The following ESF1 variants were observed in gnomAD, a reference collection of about 807,000 sequenced individuals.
ESF1 encodes the protein ESF1 nucleolar pre-rRNA processing protein.
Under a neutral mutation model 92.0 loss-of-function variants are expected in ESF1, and 58 were observed. The observed-to-expected ratio is 0.63, with a 90% CI of 0.51 to 0.78. The LOEUF is 0.78. ESF1 is among the 30% of genes least tolerant of loss of function. ESF1 has a pLI of 0.00. For synonymous variants in ESF1, 321 were observed against 313.7 expected, an observed-to-expected ratio of 1.02 and a Z score of -0.24; for missense variants, 922 against 989.1, an observed-to-expected ratio of 0.93 and a Z score of 0.91.
At chr20:13,741,358 AC>A (rs33916323) in intron 9 of ESF1, among the ~76,000 whole-genome samples, 102,549 of 151,916 alleles carry the variant, frequency 0.68, 34,855 homozygotes, top group East Asian at 0.89. Flanking sequence ...TCTTCACAGA[AC>A]CCCCATACAA....
chr20:13,753,491 T>G (rs1978734478), intron 9 of ESF1, among the ~76,000 whole-genome samples: 1 of 151,062 alleles, frequency 6.6e-6, no homozygotes, highest in Non-Finnish European at 1.5e-5. Context: ...TGTAAGCAAA[T>G]TCTTCCAGAA....
rs374166687 is a variant in ESF1, at chr20:13,782,523, T to C, written c.618A>G (p.Thr206=). 38 of 1,522,054 alleles carry C rather than the reference T, an allele frequency of 2.5e-5. No homozygotes were observed. The highest frequency in any genetic ancestry group is 2.4e-5 in the East Asian group (1 of 42,012). 94.3% of individuals were successfully genotyped at this position (1,522,054 alleles called of 1,614,324 possible). Residue 206 remains threonine (T), a synonymous_variant, in exon 2 of 14, where the codon ACA becomes ACG. Coordinates refer to ENST00000617257, the MANE Select transcript of ESF1 (RefSeq NM_001276380.2). ...ACCTACCTGATTGCATTTCTCTTCT[T>C]GTCTTAGAACACTCGATTCTGGGAG... ...VKSPRIECSK[T]RREMQSVVQL...
intron 2 of ESF1, among the ~76,000 whole-genome samples, chr20:13,777,606 C>A (rs1980003611): frequency 6.6e-6 from 1 of 152,096 alleles, no homozygotes; most frequent in African/African-American, 2.4e-5. Context: ...ACTTTTTCTG[C>A]CAGGTCTTGA....
intron 4 of ESF1, among the ~76,000 whole-genome samples, chr20:13,773,923 G>T (rs375960557): frequency 6.6e-6 from 1 of 151,954 alleles, no homozygotes; most frequent in Admixed American, 6.6e-5. Context: ...GTGAAAACCC[G>T]TCTCTACTAA....
At chr20:13,729,748 T>C (rs1404553522) in intron 10 of ESF1, among the ~76,000 whole-genome samples, 1 of 152,318 alleles carries the variant, frequency 6.6e-6, no homozygotes, top group East Asian at 1.9e-4. Flanking sequence ...TATCTTGTTT[T>C]ATCTATAAGC....
chr20:13,750,685 AT>A (rs1215178478), intron 9 of ESF1, among the ~76,000 whole-genome samples: 1 of 152,204 alleles, frequency 6.6e-6, no homozygotes, highest in Admixed American at 6.5e-5. Context: ...AATTAATACA[AT>A]CCTTTCAAAA....
intron 8 of ESF1, among the ~76,000 whole-genome samples, chr20:13,765,651 G>A (rs1979395481): frequency 6.6e-6 from 1 of 152,178 alleles, no homozygotes; most frequent in Non-Finnish European, 1.5e-5. Flanking sequence ...TATACTCCCA[G>A]GGAAATGGTC....
chr20:13,783,739 C>G (rs1426983062), intron 1 of ESF1, among the ~76,000 whole-genome samples: 2 of 152,152 alleles, frequency 1.3e-5, no homozygotes, highest in Non-Finnish European at 2.9e-5. Flanking sequence ...CACTTCCACC[C>G]GGGAGGTCTT....
intron 10 of ESF1, among the ~76,000 whole-genome samples, 161 bp downstream of exon 10, chr20:13,733,560 A>C (rs1353177129): frequency 6.6e-6 from 1 of 152,152 alleles, no homozygotes; most frequent in African/African-American, 2.4e-5. Flanking sequence ...ATGATGAAAA[A>C]ACTTTCTGCA....
At chr20:13,734,778 A>AT (rs34712543) in intron 9 of ESF1, among the ~76,000 whole-genome samples, 109,119 of 151,926 alleles carry the variant, frequency 0.72, 39,451 homozygotes, top group East Asian at 0.9. Flanking sequence ...CATTAAAAAA[A>AT]GAGACATCAT....
chr20:13,781,086 C>T (rs1304738890), intron 2 of ESF1, among the ~76,000 whole-genome samples: 1 of 152,192 alleles, frequency 6.6e-6, no homozygotes, highest in East Asian at 1.9e-4. Flanking sequence ...TCTTGAGTGA[C>T]TTCTTCCTCC....
chr20:13,747,535 A>AG (rs2050059073), intron 9 of ESF1, among the ~76,000 whole-genome samples: 1 of 151,464 alleles, frequency 6.6e-6, no homozygotes, highest in African/African-American at 2.4e-5. Flanking sequence ...ACTGCACTGC[A>AG]GCCTGCCGAG....
intron 9 of ESF1, among the ~76,000 whole-genome samples, chr20:13,739,595 C>T (rs2049997909): frequency 6.6e-6 from 1 of 151,862 alleles, no homozygotes; most frequent in Non-Finnish European, 1.5e-5. Flanking sequence ...GCAAAGAAGA[C>T]TGAAGAACTA....
intron 9 of ESF1, among the ~76,000 whole-genome samples, chr20:13,743,271 C>T (rs894683139): frequency 5.3e-5 from 8 of 152,080 alleles, no homozygotes; most frequent in African/African-American, 1.2e-4. Context: ...GGTGTGTACA[C>T]GGTTGGTGGG....
chr20:13,765,005 T>C (rs1362267382), intron 8 of ESF1, among the ~76,000 whole-genome samples: 1 of 151,830 alleles, frequency 6.6e-6, no homozygotes, highest in Non-Finnish European at 1.5e-5. Context: ...GGTGGATCAC[T>C]TGAGGTCAGG....
Position 13,782,649 on chromosome 20 carries a change from T to G in ESF1, c.492A>C (p.Lys164Asn). The G allele has an allele frequency of 6.2e-7, 1 of 1,606,714 alleles. No homozygotes were observed. The change falls in exon 2 of 14, where the codon AAA (lysine) becomes AAC (asparagine). Residue 164 changes from lysine (K) to asparagine (N), a missense_variant. By Grantham distance (94) the Lys-to-Asn change is moderately conservative. Transcript: ENST00000617257. The part of the protein sequence containing the change: ...PKKDSKEFTQ[K>N]NKKEKKNIVQ... ...CAATGTTTTTTTTCTCTTTCTTATT[T>G]TTTTGTGTAAATTCTTTGCTATCCT...
At chr20:13,718,232 CAG>C (rs756686424) in intron 12 of ESF1, among the ~76,000 whole-genome samples, 21 of 152,154 alleles carry the variant, frequency 1.4e-4, no homozygotes, top group Admixed American at 1.1e-3. Context: ...GCTGGCTTTT[CAG>C]AGACATTTTC....
intron 11 of ESF1, among the ~76,000 whole-genome samples, chr20:13,727,040 T>C (rs2049904853): frequency 6.6e-6 from 1 of 152,226 alleles, no homozygotes; most frequent in Non-Finnish European, 1.5e-5. Context: ...TTTAAATGTG[T>C]TGATTCCAAA....
chr20:13,737,730 T>C (rs2049984127), intron 9 of ESF1, among the ~76,000 whole-genome samples: 1 of 152,186 alleles, frequency 6.6e-6, no homozygotes, highest in Non-Finnish European at 1.5e-5. Context: ...CTCTGCTCAC[T>C]GCAACCTCCG....
Sources: gnomAD v4.1 joint callset for allele counts (sites outside exome capture counted in the v4.1 genomes callset) on GRCh38, gnomAD v4.1.1 for gene constraint, MANE v1.5 for transcripts, NCBI Gene and HGNC (gene_info 2026-07-23, HGNC 2026-07-21) for gene names.